GRIP1: variants seen among roughly 807,000 people sequenced by gnomAD.
GRIP1 encodes the protein glutamate receptor-interacting protein 1.
Under a neutral mutation model 129.9 loss-of-function variants are expected in GRIP1, and 45 were observed. That is an observed-to-expected ratio of 0.35 (90% CI 0.27 to 0.44). The LOEUF (loss-of-function observed/expected upper bound fraction) is 0.44. Ranked by LOEUF, GRIP1 falls within the 20% of genes least tolerant of loss-of-function variation. The probability of loss-of-function intolerance (pLI) is 1.00; values close to 1 mark genes in which losing one functional copy is unlikely to be tolerated. For synonymous variants in GRIP1, 530 were observed against 520.8 expected (o/e 1.02, Z -0.24); for missense variants, 1,196 against 1,396.8 (o/e 0.86, Z 2.29).
rs76544690 is a variant in GRIP1, at chr12:66,791,892, T to G, written c.-420+12161A>C. On this transcript the variant is annotated intron_variant, in intron 1 of 4. Transcript: ENST00000538373. ...ACCACTCCGTATGTCTTTGCTTAGC[T>G]CCCACTCAAAAATGGGAACATGCAG... Among the ~76,000 whole-genome samples, 1,285 of 152,182 alleles carry G rather than the reference T, an allele frequency of 8.4e-3. 25 individuals carry two copies. The highest frequency in any genetic ancestry group is 0.029 in the African/African-American group (1,216 of 41,498).
intron 15 of GRIP1, among the ~76,000 whole-genome samples, chr12:66,419,662 G>C (rs562688058): frequency 1.3e-5 from 2 of 152,222 alleles, no homozygotes. Flanking sequence ...TGGATTGCCT[G>C]CCTATCTCCC....
At chr12:66,629,196 A>T (rs920675397) in intron 1 of GRIP1, among the ~76,000 whole-genome samples, 1 of 152,238 alleles carries the variant, frequency 6.6e-6, no homozygotes, top group African/African-American at 2.4e-5. Context: ...TCTATTCCAC[A>T]AGAAAATATT....
chr12:66,702,495 A>G (rs967451058), intron 1 of GRIP1, among the ~76,000 whole-genome samples: 9 of 152,166 alleles, frequency 5.9e-5, no homozygotes, highest in African/African-American at 2.2e-4. Context: ...GTTCTATGAA[A>G]GAGTTCATGT....
chr12:66,603,017 C>T (rs1246627561), intron 1 of GRIP1, among the ~76,000 whole-genome samples: 2 of 151,526 alleles, frequency 1.3e-5, no homozygotes, highest in African/African-American at 4.8e-5. Context: ...GCCACCAAGC[C>T]TGACTTTTTT....
Position 66,465,780 on chromosome 12 carries a change from C to T in GRIP1, c.725-358G>A, listed in dbSNP as rs78430316. Among the ~76,000 whole-genome samples, 1,532 of 151,886 alleles carry T rather than the reference C, an allele frequency of 0.01. 51 individuals carry two copies. In the East Asian group the frequency reaches 0.12, roughly 12 times the overall value. On this transcript the variant is annotated intron_variant, in intron 7 of 24. Transcript: ENST00000359742. ...CAGTAAAGGTTTTTTAAATTAATTA[C>T]TTAATTCAATAAATATCTTAGCACC...
intron 2 of GRIP1, among the ~76,000 whole-genome samples, chr12:66,592,999 T>G (rs1388846367): frequency 6.6e-6 from 1 of 152,210 alleles, no homozygotes; most frequent in Non-Finnish European, 1.5e-5. Context: ...TCCCTAATAT[T>G]TTTAATCAAA....
At chr12:66,835,353 T>C (rs1424791660) in intron 1 of GRIP1, among the ~76,000 whole-genome samples, 2 of 152,232 alleles carry the variant, frequency 1.3e-5, no homozygotes, top group Admixed American at 6.5e-5. Flanking sequence ...TGAAAACTTA[T>C]GTTCACATAA....
At chr12:66,728,843 C>T (rs1380493735) in intron 1 of GRIP1, among the ~76,000 whole-genome samples, 1 of 152,052 alleles carries the variant, frequency 6.6e-6, no homozygotes, top group Non-Finnish European at 1.5e-5. Context: ...ACACTAACAA[C>T]ACTAACCCAC....
chr12:66,353,212 A>G lies in GRIP1; in HGVS notation c.3159+205T>C, dbSNP rs138419945. Among the ~76,000 whole-genome samples, 10 of 152,326 alleles carry G rather than the reference A, an allele frequency of 6.6e-5. 1 individual carries two copies. The East Asian group carries it at 1.3e-3, about 21-fold the overall frequency. ...CTCAGTGCCGAAAAAAACTGGTAAG[A>G]AACCACAGAACTTTGGGGTCTGGGT... On this transcript the variant is annotated intron_variant, in intron 24 of 24. Coordinates refer to ENST00000359742, the MANE Select transcript of GRIP1 (RefSeq NM_001366722.1).
chr12:66,648,162 C>T (rs2032515033), intron 1 of GRIP1, among the ~76,000 whole-genome samples: 1 of 150,840 alleles, frequency 6.6e-6, no homozygotes, highest in Admixed American at 6.6e-5. Flanking sequence ...GATCCAGCAA[C>T]TTAAGGGGCA....
intron 1 of GRIP1, among the ~76,000 whole-genome samples, chr12:67,014,598 A>G (rs565594130): frequency 1.3e-5 from 2 of 152,260 alleles, no homozygotes; most frequent in Non-Finnish European, 2.9e-5. Context: ...AGGAATTATA[A>G]CAAATGTAAC....
rs114314246 is a variant in GRIP1 at position 66,754,285 on chromosome 12, T to C, written c.-420+49768A>G. ...GCTGAACAAATGTTAAAACTGAAAA[T>C]CTGCAAAGGTTTATAGTCTATGTTA... On this transcript the variant is annotated intron_variant, in intron 1 of 4. Transcript: ENST00000538373. 8.2e-3 allele frequency among the ~76,000 whole-genome samples: 1,243 copies of C among 152,264 alleles called. 19 individuals carry two copies. The highest frequency in any genetic ancestry group is 0.028 in the African/African-American group (1,154 of 41,536).
At chr12:66,959,054 A>G (rs929915279) in intron 1 of GRIP1, among the ~76,000 whole-genome samples, 11 of 152,232 alleles carry the variant, frequency 7.2e-5, no homozygotes, top group Non-Finnish European at 1.5e-4. Flanking sequence ...TTGCCATCTG[A>G]ATCACCTTTT....
chr12:66,528,134 G>GTTTTTTTTTTTTTTTTT (rs59443918), intron 5 of GRIP1, among the ~76,000 whole-genome samples: 7 of 99,238 alleles, frequency 7.1e-5, no homozygotes, highest in African/African-American at 1.9e-4. Flanking sequence ...GAATTAGTAG[G>GTTTTTTTTTTTTTTTTT]TTTTTTTTTT....
At chr12:66,658,515 A>T (rs1453313415) in intron 1 of GRIP1, among the ~76,000 whole-genome samples, 4 of 151,768 alleles carry the variant, frequency 2.6e-5, no homozygotes, top group Non-Finnish European at 5.9e-5. Context: ...CGGGAGGTGG[A>T]GCTTGTAGTG....
intron 1 of GRIP1, among the ~76,000 whole-genome samples, chr12:66,695,401 G>A (rs932763740): frequency 1.3e-5 from 2 of 152,052 alleles, no homozygotes; most frequent in Admixed American, 6.5e-5. Flanking sequence ...TTAGCCCAAG[G>A]TTGGGATACA....
At chr12:66,891,654 G>A (rs17103065) in intron 1 of GRIP1, among the ~76,000 whole-genome samples, 3,828 of 152,266 alleles carry the variant, frequency 0.025, 77 homozygotes, top group Middle Eastern at 0.058. Context: ...GCTCCTTAAA[G>A]ACGACAAGGA....
chr12:66,591,670 C>A (rs1388524843), intron 2 of GRIP1, among the ~76,000 whole-genome samples: 1 of 152,040 alleles, frequency 6.6e-6, no homozygotes, highest in Non-Finnish European at 1.5e-5. Flanking sequence ...CACTCTGTCA[C>A]CCAGGCTGGA....
intron 2 of GRIP1, among the ~76,000 whole-genome samples, chr12:66,575,463 T>G (rs2063110231): frequency 6.6e-6 from 1 of 152,244 alleles, no homozygotes; most frequent in Non-Finnish European, 1.5e-5. Context: ...ACACTTGATA[T>G]AATCAGCATT....
Sources: gnomAD v4.1 joint callset for allele counts (sites outside exome capture counted in the v4.1 genomes callset) on GRCh38, gnomAD v4.1.1 for gene constraint, MANE v1.5 for transcripts, NCBI Gene and HGNC (gene_info 2026-07-23, HGNC 2026-07-21) for gene names.